The following BMP5 variants were observed in gnomAD, a reference collection of about 807,000 sequenced individuals.
The protein encoded by BMP5 is bone morphogenetic protein 5.
A neutral mutation model predicts 46.6 loss-of-function variants in BMP5; 23 were observed. That is an observed-to-expected ratio of 0.49 (90% CI 0.35 to 0.70). BMP5 has a LOEUF of 0.70. Among genes scored for constraint, BMP5 ranks in the 30% least tolerant of loss-of-function variants. The pLI is 0.00. For missense variants in BMP5, 545 were observed against 565.6 expected, an observed-to-expected ratio of 0.96 and a Z score of 0.37; for synonymous variants, 204 against 191.9, an observed-to-expected ratio of 1.06 and a Z score of -0.52.
chr6:55,855,254 T>C (rs1777362040), intron 1 of BMP5, among the ~76,000 whole-genome samples: 1 of 152,016 alleles, frequency 6.6e-6, no homozygotes. Flanking sequence ...GTTATTTTTA[T>C]TTATTTATTT....
intron 4 of BMP5, among the ~76,000 whole-genome samples, chr6:55,765,939 G>A (rs928636148): frequency 1.2e-4 from 19 of 152,196 alleles, no homozygotes; most frequent in Non-Finnish European, 1.6e-4. Flanking sequence ...ACCTCTAAAG[G>A]ACAGTTCCCT....
chr6:55,808,787 C>A (rs1244489810), intron 2 of BMP5, among the ~76,000 whole-genome samples: 1 of 152,224 alleles, frequency 6.6e-6, no homozygotes, highest in East Asian at 1.9e-4. Context: ...CCATGGGTCA[C>A]ACCAGCTGCC....
At chr6:55,828,852 A>T (rs2127541515) in intron 1 of BMP5, among the ~76,000 whole-genome samples, 1 of 151,920 alleles carries the variant, frequency 6.6e-6, no homozygotes, top group Non-Finnish European at 1.5e-5. Context: ...CCCACTTTTA[A>T]TTTTAAATTG....
At chr6:55,795,820 GC>G (rs1775698091) in intron 2 of BMP5, among the ~76,000 whole-genome samples, 1 of 152,068 alleles carries the variant, frequency 6.6e-6, no homozygotes, top group Non-Finnish European at 1.5e-5. Flanking sequence ...GGATTGAAAC[GC>G]TTGCTTTTTT....
rs556368538 is a variant in BMP5 at position 55,794,574 on chromosome 6, G to A, written c.684-147C>T. Reference sequence around the variant, plus strand: ...GAGGAACAAGTGACTCAAGTGATGAGTAATAAGATACAAAACCTTTGTTAC... The same window carrying A: ...GAGGAACAAGTGACTCAAGTGATGAATAATAAGATACAAAACCTTTGTTAC... On this transcript the variant is annotated intron_variant, in intron 2 of 6. Transcript: ENST00000370830. 129 of 765,168 alleles carry A rather than the reference G, an allele frequency of 1.7e-4. 1 individual carries two copies. The highest frequency in any genetic ancestry group is 1.3e-3 in the South Asian group (81 of 61,910). The allele number at this position is 765,168 out of a possible 1,614,324, so 47.4% of individuals were successfully genotyped here.
chr6:55,862,382 A>G (rs898495192), intron 1 of BMP5, among the ~76,000 whole-genome samples: 2 of 152,148 alleles, frequency 1.3e-5, no homozygotes, highest in African/African-American at 4.8e-5. Context: ...CCTTATACCA[A>G]TTCTCAGAAT....
rs562332275 is a variant in BMP5 at position 55,771,476 on chromosome 6, T to C, written c.1027+2573A>G. Among the ~76,000 whole-genome samples the C allele has an allele frequency of 7.2e-5, 11 of 152,016 alleles. No individual in the cohort carries two copies. In the South Asian group the frequency reaches 2.3e-3, roughly 31 times the overall value. The stretch of plus-strand genomic sequence containing the variant: ...AGGAAACCTGGAAGTAATGGTTCTA[T>C]ATACCTTTACTTGAAAAACGAAGTT... On this transcript the variant is annotated intron_variant, in intron 4 of 6. Coordinates refer to ENST00000370830, the MANE Select transcript of BMP5 (RefSeq NM_021073.4).
At chr6:55,870,837 A>T (rs534521862) in intron 1 of BMP5, among the ~76,000 whole-genome samples, 1 of 152,222 alleles carries the variant, frequency 6.6e-6, no homozygotes, top group East Asian at 1.9e-4. Context: ...TTTTATATTT[A>T]AAAAATTTAA....
In BMP5 at chr6:55,758,731, T is replaced by C. The variant is rs73453343; in HGVS notation, c.1215+274A>G. ...AGGGAACCTGTGTGCTTAGTCATACTGTGTAATGAACAAACAGTTCAAGAT... is the reference window on the plus strand; with the variant it reads ...AGGGAACCTGTGTGCTTAGTCATACCGTGTAATGAACAAACAGTTCAAGAT... On this transcript the variant is annotated intron_variant, in intron 6 of 6. Transcript: ENST00000370830. Among the ~76,000 whole-genome samples the C allele has an allele frequency of 9.5e-3, 1,437 of 152,050 alleles. 19 individuals carry two copies. Among genetic ancestry groups the C allele is most frequent in the African/African-American group, 0.033 (1,357 of 41,526 alleles).
At chr6:55,873,976 C>T (rs1777842374) in intron 1 of BMP5, among the ~76,000 whole-genome samples, 1 of 151,804 alleles carries the variant, frequency 6.6e-6, no homozygotes, top group African/African-American at 2.4e-5. Context: ...CTTACATGTG[C>T]TTTAAATCAC....
At chr6:55,820,837 G>C (rs1168427554) in intron 1 of BMP5, among the ~76,000 whole-genome samples, 1 of 151,996 alleles carries the variant, frequency 6.6e-6, no homozygotes, top group Non-Finnish European at 1.5e-5. Flanking sequence ...GAATTGAGAG[G>C]GGAACATATT....
chr6:55,849,418 A>C (rs1198663791), intron 1 of BMP5, among the ~76,000 whole-genome samples: 1 of 152,076 alleles, frequency 6.6e-6, no homozygotes, highest in Non-Finnish European at 1.5e-5. Flanking sequence ...TTTACATAAG[A>C]TGATTGAGGA....
At chr6:55,835,004 T>C (rs555549780) in intron 1 of BMP5, among the ~76,000 whole-genome samples, 1 of 152,036 alleles carries the variant, frequency 6.6e-6, no homozygotes, top group East Asian at 1.9e-4. Flanking sequence ...GAGAATCATT[T>C]GAACCCAGGA....
chr6:55,761,670 A>AC (rs1251433655), intron 4 of BMP5, among the ~76,000 whole-genome samples: 7 of 151,936 alleles, frequency 4.6e-5, no homozygotes, highest in African/African-American at 1.7e-4. Context: ...TCTCAACAAG[A>AC]CCTTCACTAC....
At chr6:55,811,011 AT>A (rs1776122813) in intron 2 of BMP5, among the ~76,000 whole-genome samples, 2 of 152,162 alleles carry the variant, frequency 1.3e-5, no homozygotes, top group South Asian at 4.1e-4. Context: ...ATAGAGCATG[AT>A]CCCCACACAC....
rs183917473 is a variant in BMP5 at position 55,844,686 on chromosome 6, T to C, written c.491-24839A>G. Among the ~76,000 whole-genome samples the C allele has an allele frequency of 8.6e-5, 13 of 152,014 alleles. No individual in the cohort carries two copies. The East Asian group carries it at 2.5e-3, about 29-fold the overall frequency. The stretch of plus-strand genomic sequence containing the variant: ...TAAAATTTTTATAAATCACATTATC[T>C]TCTGAAAATTTTTTTCTTGACCTTT... On this transcript the variant is annotated intron_variant, in intron 1 of 6. Transcript: ENST00000370830.
intron 6 of BMP5, 139 bp from the exon 7 acceptor site, chr6:55,755,821 C>A: frequency 1.2e-6 from 1 of 825,708 alleles, no homozygotes; most frequent in Non-Finnish European, 2.0e-6. Context: ...TATTCCATGA[C>A]TGGGGTGGGG....
chr6:55,817,636 A>C (rs1776308681), intron 2 of BMP5, among the ~76,000 whole-genome samples: 1 of 152,104 alleles, frequency 6.6e-6, no homozygotes, highest in Non-Finnish European at 1.5e-5. Context: ...GCATTAGGAG[A>C]TATACCTAAT....
At chr6:55,862,237 C>G (rs1244114899) in intron 1 of BMP5, among the ~76,000 whole-genome samples, 2 of 152,150 alleles carry the variant, frequency 1.3e-5, no homozygotes, top group East Asian at 3.8e-4. Context: ...TTTTACTTCA[C>G]AATCACAGTA....
Sources: gnomAD v4.1 joint callset for allele counts (sites outside exome capture counted in the v4.1 genomes callset) on GRCh38, gnomAD v4.1.1 for gene constraint, MANE v1.5 for transcripts, NCBI Gene and HGNC (gene_info 2026-07-23, HGNC 2026-07-21) for gene names.